Variants in PDZD8 observed in about 807,000 individuals in gnomAD.
PDZD8 encodes the protein PDZ domain-containing protein 8.
In PDZD8, 14 loss-of-function variants were observed where a neutral mutation model predicts 85.8. The ratio of observed to expected loss-of-function variants is 0.16; its 90% confidence interval spans 0.11 to 0.26. The LOEUF is 0.26. Among genes scored for constraint, PDZD8 ranks in the 10% least tolerant of loss-of-function variants. PDZD8 has a pLI of 1.00. For missense variants in PDZD8, 1,197 were observed against 1,424.3 expected (o/e 0.84, Z 2.57); for synonymous variants, 592 against 568.6 (o/e 1.04, Z -0.59).
chr10:117,359,215 G>T (rs1221640719), intron 1 of PDZD8, among the ~76,000 whole-genome samples: 1 of 151,876 alleles, frequency 6.6e-6, no homozygotes. Flanking sequence ...AGGAGTTCGA[G>T]ACCAGCCTGG....
rs1468837861 is a variant in PDZD8, at chr10:117,360,618, TG to T, written c.872+13737del. ...GACAAAAGAGAAAGCTAAAGCAGCT[TG>T]TCTGTGATCACATAGTAAATGGTGC... On this transcript the variant is annotated intron_variant, in intron 1 of 4. Transcript: ENST00000334464. Among the ~76,000 whole-genome samples, 3 of 152,202 alleles carry T rather than the reference TG, an allele frequency of 2.0e-5. No individual in the cohort carries two copies. In the South Asian group the frequency reaches 6.2e-4, roughly 32 times the overall value.
rs1237291780 is a variant in PDZD8, at chr10:117,318,957, G to A, written c.1013C>T (p.Ser338Phe). Residue 338 changes from serine (S) to phenylalanine (F), a missense_variant, in exon 3 of 5, where the codon TCC (serine) becomes TTC (phenylalanine). Transcript: ENST00000334464. ...LECSRLLIFG[S>F]YDREANVHCT... Reference sequence around the variant, plus strand: ...ATGAACATTTGCCTCTCTGTCATAGGATCCAAAAATGAGTAACCTGCAGAA... The same window carrying A: ...ATGAACATTTGCCTCTCTGTCATAGAATCCAAAAATGAGTAACCTGCAGAA... 1 of 1,610,242 alleles carries A rather than the reference G, an allele frequency of 6.2e-7. No homozygotes were observed. Among genetic ancestry groups the A allele is most frequent in the Non-Finnish European group, 8.5e-7 (1 of 1,177,284 alleles).
chr10:117,370,935 T>TGTGTGTGTGTGC (rs1292477235), intron 1 of PDZD8, among the ~76,000 whole-genome samples: 1 of 151,822 alleles, frequency 6.6e-6, no homozygotes, highest in Non-Finnish European at 1.5e-5. Flanking sequence ...TGTGTGTGTG[T>TGTGTGTGTGTGC]GTGTGTGTGT....
At chr10:117,356,822 T>C (rs779458108) in intron 1 of PDZD8, among the ~76,000 whole-genome samples, 1 of 152,200 alleles carries the variant, frequency 6.6e-6, no homozygotes, top group Non-Finnish European at 1.5e-5. Context: ...TACTGTCTAT[T>C]TGGAAAATGA....
intron 1 of PDZD8, among the ~76,000 whole-genome samples, chr10:117,371,820 G>A (rs554805249): frequency 1.9e-4 from 29 of 152,206 alleles, no homozygotes; most frequent in African/African-American, 7.0e-4. Context: ...GCACACACCT[G>A]TGGTCCTAAC....
intron 1 of PDZD8, among the ~76,000 whole-genome samples, chr10:117,368,678 TTACA>T (rs1455792698): frequency 6.6e-6 from 1 of 152,132 alleles, no homozygotes; most frequent in African/African-American, 2.4e-5. Context: ...AAGTAAATGC[TTACA>T]TAGTTATTAA....
chr10:117,308,126 T>C (rs923603928), intron 3 of PDZD8, among the ~76,000 whole-genome samples: 1 of 152,168 alleles, frequency 6.6e-6, no homozygotes, highest in East Asian at 1.9e-4. Context: ...TAAATATTCC[T>C]GATGAAATAT....
At position 117,281,067 on chromosome 10, in the gene PDZD8, C is replaced by T. The variant is rs11197940; in HGVS notation, c.*2201G>A. 1.3e-5 allele frequency: 2 copies of T among 152,164 alleles called. No homozygotes were observed. Among genetic ancestry groups the T allele is most frequent in the African/African-American group, 4.8e-5 (2 of 41,436 alleles). 9.4% of individuals were successfully genotyped at this position (152,164 alleles called of 1,614,324 possible). On this transcript the variant is annotated 3_prime_UTR_variant, in exon 5 of 5. Transcript: ENST00000334464. The stretch of plus-strand genomic sequence containing the variant: ...GTGTAAATTCTTCTATAGCAGTGTT[C>T]TTTTAAAATAAGATCACGTGGCCGG...
intron 1 of PDZD8, among the ~76,000 whole-genome samples, chr10:117,369,303 C>T (rs1204740190): frequency 1.3e-5 from 2 of 151,830 alleles, no homozygotes; most frequent in Non-Finnish European, 2.9e-5. Context: ...GAATTACAGG[C>T]ATGTGCCACC....
intron 2 of PDZD8, among the ~76,000 whole-genome samples, chr10:117,325,529 A>C (rs1844301695): frequency 6.7e-6 from 1 of 149,570 alleles, no homozygotes; most frequent in African/African-American, 2.5e-5. Flanking sequence ...GAACCTCCCA[A>C]GTAGCTGGGA....
chr10:117,300,894 A>C (rs1054019760), intron 3 of PDZD8, among the ~76,000 whole-genome samples: 1 of 152,218 alleles, frequency 6.6e-6, no homozygotes, highest in African/African-American at 2.4e-5. Context: ...CCAGCCTCTC[A>C]AACTGTGAGG....
At chr10:117,371,565 A>G (rs1237109625) in intron 1 of PDZD8, among the ~76,000 whole-genome samples, 1 of 152,176 alleles carries the variant, frequency 6.6e-6, no homozygotes. Context: ...TTTCATCGTC[A>G]TACTTGCTAT....
At chr10:117,369,682 G>C (rs1480586642) in intron 1 of PDZD8, among the ~76,000 whole-genome samples, 1 of 152,048 alleles carries the variant, frequency 6.6e-6, no homozygotes, top group East Asian at 1.9e-4. Flanking sequence ...CAGCAAATAA[G>C]GGGGGACTAT....
chr10:117,324,246 A>G (rs1335613292), intron 2 of PDZD8, among the ~76,000 whole-genome samples: 2 of 150,588 alleles, frequency 1.3e-5, no homozygotes, highest in Non-Finnish European at 3.0e-5. Flanking sequence ...ACAAGAGGCT[A>G]CAGGACTGAG....
At chr10:117,334,954 A>G (rs1844492370) in intron 2 of PDZD8, among the ~76,000 whole-genome samples, 1 of 152,144 alleles carries the variant, frequency 6.6e-6, no homozygotes, top group Non-Finnish European at 1.5e-5. Flanking sequence ...AGAGGTGGGA[A>G]AAAAAGGCCA....
At position 117,375,205 on chromosome 10, in the gene PDZD8, A is replaced by G; in HGVS notation, c.23T>C (p.Leu8Pro). 1 of 1,544,310 alleles carries G rather than the reference A, an allele frequency of 6.5e-7. No individual in the cohort carries two copies. Among genetic ancestry groups the G allele is most frequent in the Non-Finnish European group, 8.7e-7 (1 of 1,149,808 alleles). Residue 8 changes from leucine (L) to proline (P), a missense_variant, in exon 1 of 5, where the codon CTG becomes CCG. By Grantham distance (98) the Leu-to-Pro change is moderately conservative. This residue lies in a region of PDZD8 where 172 missense variants were observed against 137.8 expected (regional missense o/e 1.25). Transcript: ENST00000334464. Reference sequence around the variant, plus strand: ...GAAGGAACCCAGCACGGCCGACGCCAGGATCATGAGCAGCAGCCCCATCCC... The same window carrying G: ...GAAGGAACCCAGCACGGCCGACGCCGGGATCATGAGCAGCAGCCCCATCCC... MGLLLMI[L>P]ASAVLGSFLT...
At chr10:117,345,319 C>G (rs1844686023) in intron 1 of PDZD8, among the ~76,000 whole-genome samples, 1 of 152,162 alleles carries the variant, frequency 6.6e-6, no homozygotes, top group Admixed American at 6.5e-5. Context: ...AGTAGAGAAA[C>G]AGGAAATAAG....
chr10:117,316,912 GA>G (rs1452994707), intron 3 of PDZD8, among the ~76,000 whole-genome samples: 1 of 152,122 alleles, frequency 6.6e-6, no homozygotes, highest in Non-Finnish European at 1.5e-5. Flanking sequence ...GAACTTCCAG[GA>G]AAGTTTTAAA....
chr10:117,318,853 C>T lies in PDZD8; in HGVS notation c.1098+19G>A, dbSNP rs1218927293. 1 of 1,486,142 alleles carries T rather than the reference C, an allele frequency of 6.7e-7. No homozygotes were observed. The highest frequency in any genetic ancestry group is 2.3e-5 in the East Asian group (1 of 44,020). 92.1% of individuals were successfully genotyped at this position (1,486,142 alleles called of 1,614,324 possible). ...AATAGAACTTTATATAGATATAAAT[C>T]ACTGTAAATCCATTTTACCGTCTTA... On this transcript the variant is annotated intron_variant, in intron 3 of 4. Transcript: ENST00000334464.
Sources: gnomAD v4.1 joint callset for allele counts (sites outside exome capture counted in the v4.1 genomes callset) on GRCh38, gnomAD v4.1.1 for gene constraint, gnomAD v4.1.1 regional missense constraint, MANE v1.5 for transcripts, NCBI Gene and HGNC (gene_info 2026-07-23, HGNC 2026-07-21) for gene names.